Variants in FARS2 observed in about 807,000 individuals in gnomAD.
FARS2 encodes phenylalanyl-tRNA synthetase 2, mitochondrial.
FARS2 carries 40 observed loss-of-function variants against 46.4 expected under a neutral mutation model. The observed-to-expected ratio is 0.86, with a 90% CI of 0.67 to 1.12. The LOEUF is 1.12. Among genes scored for constraint, FARS2 ranks in the 50% most tolerant of loss-of-function variants. FARS2 has a pLI of 0.00. For missense variants in FARS2, 513 were observed against 567.9 expected, an observed-to-expected ratio of 0.90 and a Z score of 0.98; for synonymous variants, 234 against 214.9, an observed-to-expected ratio of 1.09 and a Z score of -0.78.
chr6:5,493,358 A>T (rs952372094), intron 4 of FARS2, among the ~76,000 whole-genome samples: 1 of 152,162 alleles, frequency 6.6e-6, no homozygotes, highest in Non-Finnish European at 1.5e-5. Context: ...GAAGGTAGGG[A>T]TCACATGTCT....
intron 6 of FARS2, among the ~76,000 whole-genome samples, chr6:5,694,160 A>G (rs1286584306): frequency 6.6e-6 from 1 of 152,196 alleles, no homozygotes; most frequent in African/African-American, 2.4e-5. Flanking sequence ...TCTGGTGAAA[A>G]CACATCTGAA....
rs566855361 is a variant in FARS2 at position 5,734,810 on chromosome 6, G to GATAC, written c.1218-36458_1218-36455dup. Among the ~76,000 whole-genome samples, 1,103 of 152,230 alleles carry GATAC rather than the reference G, an allele frequency of 7.2e-3. 9 individuals carry two copies. The highest frequency in any genetic ancestry group is 0.021 in the African/African-American group (879 of 41,538). On this transcript the variant is annotated intron_variant, in intron 6 of 6. Coordinates refer to ENST00000274680, the MANE Select transcript of FARS2 (RefSeq NM_006567.5). The stretch of plus-strand genomic sequence containing the variant: ...TGGTTGTTTGATTTGTAGATAGATA[G>GATAC]ATACATACATACATACATACATACA...
intron 6 of FARS2, among the ~76,000 whole-genome samples, chr6:5,704,566 A>ATT (rs1307300022): frequency 6.6e-6 from 1 of 152,260 alleles, no homozygotes; most frequent in Non-Finnish European, 1.5e-5. Flanking sequence ...GTGTCAATAT[A>ATT]TACATATGCT....
chr6:5,672,399 G>C (rs932908017), intron 6 of FARS2, among the ~76,000 whole-genome samples: 6 of 152,148 alleles, frequency 3.9e-5, no homozygotes, highest in Non-Finnish European at 8.8e-5. Flanking sequence ...TCCTCCCACT[G>C]TACCACAGTT....
intron 4 of FARS2, among the ~76,000 whole-genome samples, chr6:5,510,668 G>A (rs1270084469): frequency 6.6e-6 from 1 of 152,204 alleles, no homozygotes; most frequent in Non-Finnish European, 1.5e-5. Flanking sequence ...AGCGCTGGCC[G>A]CGTGAGAAGC....
intron 2 of FARS2, among the ~76,000 whole-genome samples, chr6:5,398,680 T>A (rs1019105472): frequency 6.6e-6 from 1 of 152,148 alleles, no homozygotes; most frequent in African/African-American, 2.4e-5. Flanking sequence ...GAAATACATA[T>A]ACCTACTTCT....
intron 4 of FARS2, among the ~76,000 whole-genome samples, chr6:5,512,202 C>T (rs989482084): frequency 3.9e-5 from 6 of 151,992 alleles, no homozygotes; most frequent in Admixed American, 3.3e-4. Flanking sequence ...ATAGGAGGCC[C>T]GGGGGGTGGG....
chr6:5,720,667 AT>A (rs1478651157), intron 6 of FARS2, among the ~76,000 whole-genome samples: 1 of 152,232 alleles, frequency 6.6e-6, no homozygotes, highest in Non-Finnish European at 1.5e-5. Flanking sequence ...CTTAAAAATT[AT>A]TGAGGACCCC....
intron 5 of FARS2, among the ~76,000 whole-genome samples, chr6:5,583,996 G>A (rs542748253): frequency 4.6e-5 from 7 of 152,092 alleles, no homozygotes; most frequent in Admixed American, 1.3e-4. Flanking sequence ...TTCAAAAACA[G>A]AAGGAAGGAT....
intron 6 of FARS2, among the ~76,000 whole-genome samples, chr6:5,701,609 G>C (rs1259163043): frequency 6.6e-6 from 1 of 152,176 alleles, no homozygotes. Flanking sequence ...CCAATATCAA[G>C]GCTTGACAGT....
At chr6:5,578,423 A>G (rs1291654200) in intron 5 of FARS2, among the ~76,000 whole-genome samples, 1 of 152,166 alleles carries the variant, frequency 6.6e-6, no homozygotes, top group Non-Finnish European at 1.5e-5. Context: ...GCTGTGAAAA[A>G]GCCTGGATTC....
chr6:5,505,470 A>G (rs969457411), intron 4 of FARS2, among the ~76,000 whole-genome samples: 15 of 152,326 alleles, frequency 9.8e-5, no homozygotes, highest in African/African-American at 1.9e-4. Flanking sequence ...TACTGTCCAC[A>G]TGGTCCTGAA....
At chr6:5,405,624 C>T (rs111686378) in intron 3 of FARS2, among the ~76,000 whole-genome samples, 2,944 of 151,540 alleles carry the variant, frequency 0.019, 47 homozygotes, top group Middle Eastern at 0.038. Flanking sequence ...TCCTGAGTAG[C>T]TGGGATGACA....
chr6:5,499,104 G>T (rs1767642910), intron 4 of FARS2, among the ~76,000 whole-genome samples: 1 of 152,178 alleles, frequency 6.6e-6, no homozygotes, highest in African/African-American at 2.4e-5. Flanking sequence ...CACCATGTTG[G>T]CCAGGCTGGT....
intron 1 of FARS2, among the ~76,000 whole-genome samples, chr6:5,334,529 A>T (rs532441448): frequency 4.6e-5 from 7 of 152,210 alleles, no homozygotes; most frequent in Admixed American, 4.6e-4. Flanking sequence ...ACTTGGCACC[A>T]TTGAAAAGAA....
chr6:5,609,925 C>G, intron 5 of FARS2: 3 of 1,239,554 alleles, frequency 2.4e-6, no homozygotes, highest in Non-Finnish European at 3.5e-6. Flanking sequence ...AGAATCTTCT[C>G]TTGAGACAGC....
chr6:5,499,651 T>TA (rs1331531453), intron 4 of FARS2, among the ~76,000 whole-genome samples: 1 of 152,224 alleles, frequency 6.6e-6, no homozygotes, highest in Non-Finnish European at 1.5e-5. Flanking sequence ...GTAGAGTTCT[T>TA]ACCGTTTGCT....
At chr6:5,640,039 G>A (rs1776733256) in intron 6 of FARS2, among the ~76,000 whole-genome samples, 1 of 152,164 alleles carries the variant, frequency 6.6e-6, no homozygotes, top group African/African-American at 2.4e-5. Flanking sequence ...ATTGCACTGA[G>A]CTTGTAAAAG....
chr6:5,539,822 G>T (rs565713774), intron 4 of FARS2, among the ~76,000 whole-genome samples: 1 of 152,230 alleles, frequency 6.6e-6, no homozygotes, highest in Non-Finnish European at 1.5e-5. Context: ...ATTACTCCCA[G>T]TGTGCAGCTT....
Sources: allele counts gnomAD v4.1 joint callset (sites outside exome capture counted in the v4.1 genomes callset), GRCh38; gene constraint gnomAD v4.1.1; transcripts MANE v1.5; gene names NCBI Gene and HGNC (gene_info 2026-07-23, HGNC 2026-07-21).